CORO7: variants seen among roughly 807,000 people sequenced by gnomAD.
CORO7 encodes the protein coronin-7.
In CORO7, 107 loss-of-function variants were observed where a neutral mutation model predicts 126.6. The observed-to-expected ratio is 0.85, with a 90% confidence interval of 0.72 to 0.99. The LOEUF (loss-of-function observed/expected upper bound fraction) is 0.99. Ranked by LOEUF, CORO7 falls within the 50% of genes least tolerant of loss-of-function variation. The pLI, the probability that CORO7 is intolerant of heterozygous loss-of-function variation, is 0.00. For synonymous variants in CORO7, 603 were observed against 536.8 expected (o/e 1.12, Z -1.70); for missense variants, 1,314 against 1,255.8 (o/e 1.05, Z -0.70).
chr16:4,388,590 T>A lies in CORO7; in HGVS notation c.657A>T (p.Ala219=), dbSNP rs778384297. Reference sequence around the variant, plus strand: ...CAAGGTGCTCCCAGGTGCCCATCCATGCCAGCCGGCTATCCCTGCTGTTCT... The same window carrying A: ...CAAGGTGCTCCCAGGTGCCCATCCAAGCCAGCCGGCTATCCCTGCTGTTCT... ...AHENSRDSRL[A]WMGTWEHLVS... The change falls in exon 8 of 28, where the codon GCA becomes GCT. Residue 219 remains alanine (A), a synonymous_variant. Coordinates refer to ENST00000251166, the MANE Select transcript of CORO7 (RefSeq NM_024535.5). 6.8e-6 allele frequency: 11 copies of A among 1,613,148 alleles called. No individual in the cohort carries two copies. Among genetic ancestry groups the A allele is most frequent in the Non-Finnish European group, 9.3e-6 (11 of 1,179,826 alleles).
chr16:4,384,482 A>C (rs928401380), intron 9 of CORO7, among the ~76,000 whole-genome samples: 2 of 152,042 alleles, frequency 1.3e-5, no homozygotes, highest in Non-Finnish European at 2.9e-5. Context: ...AACATGCTGG[A>C]GTGAGCCTCC....
rs758055933 is a variant in CORO7 at position 4,358,068 on chromosome 16, C to T, written c.2493G>A (p.Thr831=). The part of the protein sequence containing the change: ...EFFQDDVFPD[T]AVIWEPVLSA... Reference sequence around the variant, plus strand: ...TGAGCACAGGCTCCCAGATCACAGCCGTGTCTGGGAACACGTCATCCTGGA... The same window carrying T: ...TGAGCACAGGCTCCCAGATCACAGCTGTGTCTGGGAACACGTCATCCTGGA... Residue 831 remains threonine (T), a synonymous_variant, in exon 25 of 28, where the codon ACG becomes ACA. Coordinates refer to ENST00000251166, the MANE Select transcript of CORO7 (RefSeq NM_024535.5). 1.3e-5 allele frequency: 21 copies of T among 1,612,824 alleles called. No homozygotes were observed. Among genetic ancestry groups the T allele is most frequent in the African/African-American group, 2.7e-5 (2 of 74,910 alleles).
At chr16:4,384,481 G>C (rs1448529780) in intron 9 of CORO7, among the ~76,000 whole-genome samples, 1 of 152,156 alleles carries the variant, frequency 6.6e-6, no homozygotes, top group Non-Finnish European at 1.5e-5. Flanking sequence ...GAACATGCTG[G>C]AGTGAGCCTC....
chr16:4,356,261 TTAA>T, intron 26 of CORO7, among the ~76,000 whole-genome samples: 2 of 151,460 alleles, frequency 1.3e-5, no homozygotes, highest in East Asian at 3.9e-4. Context: ...CCACACCTGG[TTAA>T]TTTAAAAAAT....
chr16:4,394,260 AT>A (rs2055498852), intron 7 of CORO7, among the ~76,000 whole-genome samples: 1 of 151,952 alleles, frequency 6.6e-6, no homozygotes, highest in Admixed American at 6.6e-5. Context: ...CCTGGCTAAC[AT>A]GGTGAAACCC....
In CORO7 at chr16:4,361,047, G is replaced by A. The variant is rs2054161453; in HGVS notation, c.1813C>T (p.Leu605=). 3.7e-6 allele frequency: 6 copies of A among 1,613,280 alleles called. No homozygotes were observed. Among genetic ancestry groups the A allele is most frequent in the Non-Finnish European group, 5.1e-6 (6 of 1,180,030 alleles). The part of the protein sequence containing the change: ...EKICSLRFHP[L]AANVLASSSY... ...GACGAGGCCAGCACATTGGCTGCCA[G>A]TGGGTGGAAGCGCAGGGAGCAGATC... Residue 605 remains leucine (L), a synonymous_variant, in exon 19 of 28, where the codon CTG becomes TTG. Transcript: ENST00000251166.
intron 9 of CORO7, chr16:4,382,954 C>A (rs2055054482): frequency 2.1e-6 from 3 of 1,437,882 alleles, no homozygotes; most frequent in Non-Finnish European, 1.8e-6. Context: ...AGATGGCCAG[C>A]CCCCTCCTGC....
intron 25 of CORO7, chr16:4,357,676 C>T (rs2054022320): frequency 1.1e-5 from 5 of 444,612 alleles, no homozygotes; most frequent in Admixed American, 4.0e-5. Flanking sequence ...ATTTCTATGG[C>T]GCAGATCTAA....
chr16:4,392,598 A>C (rs2055433434), intron 7 of CORO7, among the ~76,000 whole-genome samples: 1 of 152,112 alleles, frequency 6.6e-6, no homozygotes, highest in Non-Finnish European at 1.5e-5. Flanking sequence ...CAGAGGACAG[A>C]GGTTGGATGG....
Position 4,416,565 on chromosome 16 carries a change from G to A in CORO7, c.-47C>T, listed in dbSNP as rs562096366. 19 of 1,566,688 alleles carry A rather than the reference G, an allele frequency of 1.2e-5. No homozygotes were observed. The highest frequency in any genetic ancestry group is 4.3e-5 in the African/African-American group (3 of 70,516). On this transcript the variant is annotated 5_prime_UTR_variant, in exon 1 of 28. Transcript: ENST00000251166. ...CGCGTCTTCGAGGACCCCGGGCGTC[G>A]GGTCTCAGGTGCACGCTGAGCAACC...
At position 4,358,182 on chromosome 16, in the gene CORO7, GGCAA is replaced by G. The variant is rs1186916440; in HGVS notation, c.2458-83_2458-80del. The G allele has an allele frequency of 7.0e-6, 11 of 1,563,006 alleles. No homozygotes were observed. The East Asian group carries it at 2.5e-4, about 35-fold the overall frequency. On this transcript the variant is annotated intron_variant, in intron 24 of 27. Transcript: ENST00000251166. The stretch of plus-strand genomic sequence containing the variant: ...ACGGGCATCTGTTGGGGAGGGACAG[GGCAA>G]GACCTGGGACCCTCCCACCAGCCTG...
chr16:4,381,357 G>T (rs368683941), intron 9 of CORO7: 2 of 1,598,702 alleles, frequency 1.3e-6, no homozygotes, highest in Non-Finnish European at 8.5e-7. Flanking sequence ...ACAACGAGCT[G>T]CGGGCACTGC....
Position 4,364,290 on chromosome 16 carries a change from C to G in CORO7, c.1261G>C (p.Asp421His). Residue 421 changes from aspartate (D) to histidine (H), a missense_variant, in exon 14 of 28, where the codon GAT becomes CAT. Coordinates refer to ENST00000251166, the MANE Select transcript of CORO7 (RefSeq NM_024535.5). ...CTGGTACTTACGCTTGCGTCTGCAT[C>G]ACCCACGGGTGTCTCCATCACCGCA... ...QPAVMETPVG[D>H]ADASEGFSSP... 1 of 1,550,516 alleles carries G rather than the reference C, an allele frequency of 6.4e-7. No individual in the cohort carries two copies. Among genetic ancestry groups the G allele is most frequent in the Non-Finnish European group, 8.7e-7 (1 of 1,150,404 alleles).
intron 6 of CORO7, among the ~76,000 whole-genome samples, chr16:4,405,243 G>A (rs2055953457): frequency 6.6e-6 from 1 of 152,228 alleles, no homozygotes; most frequent in African/African-American, 2.4e-5. Flanking sequence ...TGAGGGTGGC[G>A]ACATTAGGGC....
At chr16:4,412,669 T>C (rs2056257517) in intron 2 of CORO7, 1 of 537,004 alleles carries the variant, frequency 1.9e-6, no homozygotes, top group East Asian at 3.1e-5. Flanking sequence ...TCCTCTCTTT[T>C]TAACACGGGT....
chr16:4,388,114 C>G, intron 8 of CORO7, 46 bp from the exon 9 acceptor site: 1 of 1,580,966 alleles, frequency 6.3e-7, no homozygotes, highest in Non-Finnish European at 8.6e-7. Context: ...TGTCCCTCAG[C>G]CCCACCCGGG....
chr16:4,392,946 C>A (rs143716764), intron 7 of CORO7, among the ~76,000 whole-genome samples: 1 of 152,354 alleles, frequency 6.6e-6, no homozygotes, highest in Non-Finnish European at 1.5e-5. Flanking sequence ...GGGGCTCCCT[C>A]CAGAACCAGA....
intron 6 of CORO7, among the ~76,000 whole-genome samples, chr16:4,395,996 T>TACGTGTGTGTGTGTGTG (rs55837244): frequency 1.3e-5 from 2 of 151,228 alleles, no homozygotes; most frequent in Admixed American, 1.3e-4. Context: ...CATGCACACG[T>TACGTGTGTGTGTGTGTG]TGTGTGTGTG....
intron 1 of CORO7, 139 bp downstream of exon 1, chr16:4,416,320 C>G: frequency 8.0e-7 from 1 of 1,246,748 alleles, no homozygotes; most frequent in Non-Finnish European, 1.0e-6. Flanking sequence ...GGGGCCCTGG[C>G]CTGAAGGGGG....
Sources: gnomAD v4.1 joint callset for allele counts (sites outside exome capture counted in the v4.1 genomes callset) on GRCh38, gnomAD v4.1.1 for gene constraint, MANE v1.5 for transcripts, NCBI Gene and HGNC (gene_info 2026-07-23, HGNC 2026-07-21) for gene names.